ZSCAN5A: variants seen among roughly 807,000 people sequenced by gnomAD.
The protein encoded by ZSCAN5A is zinc finger and SCAN domain-containing protein 5A.
A neutral mutation model predicts 23.7 loss-of-function variants in ZSCAN5A; 12 were observed. The ratio of observed to expected loss-of-function variants is 0.51; its 90% confidence interval spans 0.32 to 0.82. The LOEUF (loss-of-function observed/expected upper bound fraction) is 0.82, where lower values mean the gene tolerates loss of function less well. ZSCAN5A is among the 40% of genes least tolerant of loss of function. The probability of loss-of-function intolerance (pLI) is 0.03; values close to 1 mark genes in which losing one functional copy is unlikely to be tolerated. For missense variants in ZSCAN5A, 597 were observed against 617.9 expected (o/e 0.97, Z 0.36); for synonymous variants, 257 against 239.9 (o/e 1.07, Z -0.66).
At chr19:56,339,256 A>C (rs140284131) in intron 2 of ZSCAN5A, among the ~76,000 whole-genome samples, 2 of 151,450 alleles carry the variant, frequency 1.3e-5, no homozygotes, top group Admixed American at 1.3e-4. Flanking sequence ...AGCAATATGC[A>C]AAGGAGCAGC....
At chr19:56,302,272 A>G (rs111333875) in intron 2 of ZSCAN5A, among the ~76,000 whole-genome samples, 4,595 of 150,666 alleles carry the variant, frequency 0.03, 197 homozygotes, top group African/African-American at 0.097. Context: ...TCCATCTCTC[A>G]TTTCATTCTT....
intron 1 of ZSCAN5A, among the ~76,000 whole-genome samples, chr19:56,366,235 G>C (rs1444214749): frequency 2.0e-5 from 3 of 152,050 alleles, no homozygotes; most frequent in African/African-American, 4.8e-5. Context: ...CGAGGTCAGA[G>C]ATCGAGACCA....
intron 2 of ZSCAN5A, chr19:56,338,251 A>G (rs2041559803): frequency 1.3e-5 from 2 of 152,220 alleles, no homozygotes; most frequent in African/African-American, 4.8e-5. Flanking sequence ...TAAGCATTAT[A>G]GTCCCTCCTC....
At chr19:56,247,730 C>T (rs184084594) in intron 2 of ZSCAN5A, among the ~76,000 whole-genome samples, 3,825 of 152,072 alleles carry the variant, frequency 0.025, 164 homozygotes, top group African/African-American at 0.088. Context: ...CTTGTTCTGT[C>T]ACCCAGGCTG....
intron 2 of ZSCAN5A, among the ~76,000 whole-genome samples, chr19:56,303,518 G>A (rs779848932): frequency 8.7e-5 from 13 of 148,576 alleles, no homozygotes; most frequent in Non-Finnish European, 1.6e-4. Flanking sequence ...GGAAAGGAGG[G>A]AGGGAGGGAG....
At chr19:56,318,347 A>AT (rs2041339496), upstream of ZSCAN5A, among the ~76,000 whole-genome samples, 1 of 152,166 alleles carries the variant, frequency 6.6e-6, no homozygotes, top group African/African-American at 2.4e-5. Flanking sequence ...CACGTAGCTC[A>AT]TTCTCTATAT....
chr19:56,286,784 T>C (rs1351409621), intron 2 of ZSCAN5A: 2 of 152,258 alleles, frequency 1.3e-5, no homozygotes, highest in African/African-American at 4.8e-5. Flanking sequence ...GCTGAATCTG[T>C]GTCCACGTGA....
At chr19:56,255,258 A>T (rs1362698390) in intron 2 of ZSCAN5A, among the ~76,000 whole-genome samples, 1 of 152,112 alleles carries the variant, frequency 6.6e-6, no homozygotes, top group Non-Finnish European at 1.5e-5. Flanking sequence ...AAATACACAA[A>T]GTGATATATA....
intron 2 of ZSCAN5A, chr19:56,246,697 TA>T: frequency 9.7e-7 from 1 of 1,032,966 alleles, no homozygotes; most frequent in Non-Finnish European, 1.5e-6. Flanking sequence ...AAATGTACCT[TA>T]TTAACTGTTG....
At chr19:56,349,487 G>T (rs946116130) in intron 2 of ZSCAN5A, among the ~76,000 whole-genome samples, 5 of 152,082 alleles carry the variant, frequency 3.3e-5, no homozygotes, top group Admixed American at 1.3e-4. Flanking sequence ...ACGAGGTCAG[G>T]AGATCGAGAC....
At chr19:56,279,455 C>T (rs1248780552) in intron 2 of ZSCAN5A, among the ~76,000 whole-genome samples, 2 of 152,090 alleles carry the variant, frequency 1.3e-5, no homozygotes, top group African/African-American at 4.8e-5. Flanking sequence ...TAATTTAATG[C>T]TATTATTTCA....
At chr19:56,341,440 A>T in intron 2 of ZSCAN5A, among the ~76,000 whole-genome samples, 1 of 152,088 alleles carries the variant, frequency 6.6e-6, no homozygotes. Flanking sequence ...GAGAAGAGCA[A>T]CCCCAAGACA....
chr19:56,222,587 T>G lies in ZSCAN5A; in HGVS notation c.739+4A>C, dbSNP rs865883533. 1 of 1,613,702 alleles carries G rather than the reference T, an allele frequency of 6.2e-7. No homozygotes were observed. On this transcript the variant is annotated splice_donor_region_variant and intron_variant, in intron 5 of 5. Coordinates refer to ENST00000683990, the MANE Select transcript of ZSCAN5A (RefSeq NM_001322064.3). ...CCCCTGTGGATCCAAGTCTTCATAC[T>G]CACTGGGACTCTTTGGAAGCTGAGG...
intron 2 of ZSCAN5A, among the ~76,000 whole-genome samples, chr19:56,242,742 T>A (rs8110527): frequency 6.6e-6 from 1 of 151,998 alleles, no homozygotes; most frequent in Non-Finnish European, 1.5e-5. Context: ...CTAATGAAAC[T>A]ACATTTAGAA....
chr19:56,356,263 C>T (rs1317538558), intron 2 of ZSCAN5A, among the ~76,000 whole-genome samples: 1 of 148,208 alleles, frequency 6.7e-6, no homozygotes, highest in Non-Finnish European at 1.5e-5. Flanking sequence ...GTCTGAGCCC[C>T]GAACAAAGAG....
At chr19:56,364,692 G>A (rs1434981565) in intron 1 of ZSCAN5A, among the ~76,000 whole-genome samples, 1 of 152,208 alleles carries the variant, frequency 6.6e-6, no homozygotes, top group Non-Finnish European at 1.5e-5. Context: ...GTCCATTAAT[G>A]AGTGAATGCA....
intron 2 of ZSCAN5A, among the ~76,000 whole-genome samples, chr19:56,293,706 G>A (rs1044111411): frequency 3.9e-5 from 6 of 152,136 alleles, no homozygotes; most frequent in African/African-American, 1.2e-4. Flanking sequence ...GGGAGATTTC[G>A]CCCCTCAGGG....
intron 2 of ZSCAN5A, among the ~76,000 whole-genome samples, chr19:56,281,216 T>C (rs11084443): frequency 0.79 from 120,849 of 152,018 alleles, 49,211 homozygotes; most frequent in Non-Finnish European, 0.89. Flanking sequence ...ATCTTCACAA[T>C]GAGTAGGCTG....
chr19:56,314,287 T>A (rs1261882645), intron 1 of ZSCAN5A: 2 of 151,844 alleles, frequency 1.3e-5, no homozygotes, highest in African/African-American at 4.8e-5. Context: ...GGAGGCAGGG[T>A]TGCTCCTGAG....
Sources: allele counts gnomAD v4.1 joint callset (sites outside exome capture counted in the v4.1 genomes callset), GRCh38; gene constraint gnomAD v4.1.1; transcripts MANE v1.5; gene names NCBI Gene and HGNC (gene_info 2026-07-23, HGNC 2026-07-21).